Variants in NAALADL2 observed in about 807,000 individuals in gnomAD.
NAALADL2 encodes the protein inactive N-acetylated-alpha-linked acidic dipeptidase-like protein 2.
A neutral mutation model predicts 87.2 loss-of-function variants in NAALADL2; 76 were observed. The observed-to-expected ratio is 0.87, with a 90% confidence interval of 0.72 to 1.05. The LOEUF is 1.05. Among genes scored for constraint, NAALADL2 ranks in the 50% least tolerant of loss-of-function variants. The pLI is 0.00. For missense variants in NAALADL2, 1,089 were observed against 945.8 expected (o/e 1.15, Z -1.99); for synonymous variants, 354 against 331.0 (o/e 1.07, Z -0.75).
chr3:174,596,866 C>T lies in NAALADL2; in HGVS notation c.-115+46229C>T, dbSNP rs112638511. Among the ~76,000 whole-genome samples the T allele has an allele frequency of 4.2e-3, 644 of 152,280 alleles. 2 individuals carry two copies. Among genetic ancestry groups the T allele is most frequent in the Non-Finnish European group, 6.9e-3 (468 of 68,016 alleles). ...TCCCAAAGGAATGCCTTGCCCATGG[C>T]CAGTCAGTGATGGAGGTGAAATTTG... On this transcript the variant is annotated intron_variant, in intron 2 of 3. Coordinates refer to the NAALADL2 transcript ENST00000434257.
chr3:175,301,750 A>G (rs1387575962), intron 4 of NAALADL2, among the ~76,000 whole-genome samples: 1 of 152,216 alleles, frequency 6.6e-6, no homozygotes, highest in Non-Finnish European at 1.5e-5. Context: ...TGAAGAATGG[A>G]ATATATCTCT....
chr3:174,807,869 T>TTGTGTGTGTGTGTGTG (rs374956917), intron 3 of NAALADL2, among the ~76,000 whole-genome samples: 2,575 of 149,902 alleles, frequency 0.017, 43 homozygotes, highest in East Asian at 0.073. Context: ...ATTATTTTCA[T>TTGTGTGTGTGTGTGTG]TGTGTGTGTG....
intron 3 of NAALADL2, among the ~76,000 whole-genome samples, chr3:174,802,471 T>C (rs1718956340): frequency 6.6e-6 from 1 of 152,182 alleles, no homozygotes; most frequent in Admixed American, 6.6e-5. Flanking sequence ...CTTCTGTATA[T>C]AATGCTTTAC....
chr3:174,595,782 G>A (rs1717836095), intron 2 of NAALADL2, among the ~76,000 whole-genome samples: 1 of 151,938 alleles, frequency 6.6e-6, no homozygotes, highest in Non-Finnish European at 1.5e-5. Context: ...AGGCCGAGGC[G>A]GGCAGATCAC....
intron 1 of NAALADL2, among the ~76,000 whole-genome samples, chr3:174,894,794 A>G (rs943875697): frequency 1.3e-5 from 2 of 152,048 alleles, no homozygotes; most frequent in Non-Finnish European, 2.9e-5. Flanking sequence ...TTAGATCACA[A>G]GAGTCTTAAA....
chr3:175,214,242 A>C (rs535336334), intron 2 of NAALADL2, among the ~76,000 whole-genome samples: 1 of 152,250 alleles, frequency 6.6e-6, no homozygotes, highest in African/African-American at 2.4e-5. Flanking sequence ...TTTACATGAA[A>C]GTAATAAAAA....
At chr3:174,761,897 C>CT (rs1261952613) in intron 3 of NAALADL2, among the ~76,000 whole-genome samples, 1 of 151,492 alleles carries the variant, frequency 6.6e-6, no homozygotes, top group Non-Finnish European at 1.5e-5. Flanking sequence ...TTTGCAATTA[C>CT]TTTTAATGGC....
chr3:174,649,685 G>T (rs1724158697), intron 2 of NAALADL2, among the ~76,000 whole-genome samples: 1 of 152,102 alleles, frequency 6.6e-6, no homozygotes, highest in African/African-American at 2.4e-5. Context: ...AAGAACAGCA[G>T]AAAGAAATAT....
At chr3:175,197,668 A>G (rs73180741) in intron 2 of NAALADL2, among the ~76,000 whole-genome samples, 56,721 of 151,822 alleles carry the variant, frequency 0.37, 11,755 homozygotes, top group East Asian at 0.52. Context: ...AAACAACTCT[A>G]TACACCAGGC....
At chr3:174,826,445 A>G (rs16864891) in intron 3 of NAALADL2, among the ~76,000 whole-genome samples, 15,808 of 152,156 alleles carry the variant, frequency 0.1, 959 homozygotes, top group Middle Eastern at 0.15. Flanking sequence ...GGATTAATAT[A>G]CTCAAATTAC....
intron 2 of NAALADL2, among the ~76,000 whole-genome samples, chr3:175,153,835 A>G (rs1180942496): frequency 1.3e-5 from 2 of 152,158 alleles, no homozygotes; most frequent in Non-Finnish European, 2.9e-5. Context: ...GAGTGAGTAT[A>G]CTGCTGATTG....
intron 2 of NAALADL2, among the ~76,000 whole-genome samples, chr3:175,157,517 C>A (rs1219399770): frequency 6.6e-6 from 1 of 152,020 alleles, no homozygotes; most frequent in Non-Finnish European, 1.5e-5. Flanking sequence ...TTGTGTATAT[C>A]TGTAAAATTT....
At chr3:174,597,364 G>A (rs985321674) in intron 2 of NAALADL2, among the ~76,000 whole-genome samples, 3 of 152,154 alleles carry the variant, frequency 2.0e-5, no homozygotes, top group African/African-American at 7.2e-5. Context: ...CAGAAGGAAA[G>A]CAGGTGTTCA....
chr3:174,571,216 T>G (rs766216617), intron 2 of NAALADL2, among the ~76,000 whole-genome samples: 1 of 152,146 alleles, frequency 6.6e-6, no homozygotes, highest in Non-Finnish European at 1.5e-5. Flanking sequence ...TGAAACAACT[T>G]GTTAATATTA....
chr3:174,665,194 ATT>A, intron 2 of NAALADL2, among the ~76,000 whole-genome samples: 1 of 152,322 alleles, frequency 6.6e-6, no homozygotes. Flanking sequence ...TATTATGAGC[ATT>A]ACATAGAGAT....
chr3:175,152,098 C>A (rs1371481008), intron 2 of NAALADL2, among the ~76,000 whole-genome samples: 1 of 152,054 alleles, frequency 6.6e-6, no homozygotes, highest in Non-Finnish European at 1.5e-5. Context: ...GTTGGATCGT[C>A]ATTGATTAAT....
chr3:175,009,719 G>A (rs1256655493), intron 1 of NAALADL2, among the ~76,000 whole-genome samples: 1 of 152,034 alleles, frequency 6.6e-6, no homozygotes, highest in Non-Finnish European at 1.5e-5. Context: ...TCACTGGATA[G>A]TCACAAAATA....
At chr3:174,897,024 A>G (rs1421261088) in intron 1 of NAALADL2, among the ~76,000 whole-genome samples, 1 of 152,232 alleles carries the variant, frequency 6.6e-6, no homozygotes, top group Non-Finnish European at 1.5e-5. Flanking sequence ...ATTGAAGTGG[A>G]TTAAAGACTT....
At chr3:175,644,883 A>T (rs1267254160) in intron 11 of NAALADL2, among the ~76,000 whole-genome samples, 1 of 152,182 alleles carries the variant, frequency 6.6e-6, no homozygotes, top group African/African-American at 2.4e-5. Flanking sequence ...AAGTGATTGC[A>T]ATAGCAAACA....
Sources: allele counts gnomAD v4.1 joint callset (sites outside exome capture counted in the v4.1 genomes callset), GRCh38; gene constraint gnomAD v4.1.1; transcripts MANE v1.5; gene names NCBI Gene and HGNC (gene_info 2026-07-23, HGNC 2026-07-21).